MGAT4C: variants seen among roughly 807,000 people sequenced by gnomAD.
The protein encoded by MGAT4C is MGAT4 family member C, also known as alpha-1,3-mannosyl-glycoprotein 4-beta-N-acetylglucosaminyltransferase C.
A neutral mutation model predicts 40.1 loss-of-function variants in MGAT4C; 19 were observed. That is an observed-to-expected ratio of 0.47 (90% CI 0.33 to 0.70). The LOEUF (loss-of-function observed/expected upper bound fraction) is 0.70, where lower values mean the gene tolerates loss of function less well. Ranked by LOEUF, MGAT4C falls within the 30% of genes least tolerant of loss-of-function variation. The pLI is 0.02. For missense variants in MGAT4C, 491 were observed against 563.2 expected, an observed-to-expected ratio of 0.87 and a Z score of 1.30; for synonymous variants, 181 against 187.1, an observed-to-expected ratio of 0.97 and a Z score of 0.27.
At chr12:86,246,050 C>G (rs995027025) in intron 1 of MGAT4C, among the ~76,000 whole-genome samples, 3 of 152,016 alleles carry the variant, frequency 2.0e-5, no homozygotes, top group Non-Finnish European at 2.9e-5. Context: ...ATTTTCCAAT[C>G]CAACCGATTT....
chr12:86,707,943 T>C (rs1337379534), intron 2 of MGAT4C, among the ~76,000 whole-genome samples: 2 of 152,204 alleles, frequency 1.3e-5, no homozygotes, highest in African/African-American at 4.8e-5. Context: ...ATTTGCAGCC[T>C]GACAATGTGA....
chr12:86,481,829 C>T (rs1438297823), intron 2 of MGAT4C, among the ~76,000 whole-genome samples: 4 of 151,644 alleles, frequency 2.6e-5, no homozygotes, highest in African/African-American at 9.7e-5. Context: ...GTTTCACAGG[C>T]TGGTCTTGAA....
At chr12:86,297,609 A>T (rs1213650806) in intron 4 of MGAT4C, among the ~76,000 whole-genome samples, 1 of 152,126 alleles carries the variant, frequency 6.6e-6, no homozygotes, top group Non-Finnish European at 1.5e-5. Flanking sequence ...GACTAAAGAG[A>T]TTTCCATTGA....
At chr12:86,603,748 TTA>T (rs1565878460) in intron 2 of MGAT4C, among the ~76,000 whole-genome samples, 1 of 131,982 alleles carries the variant, frequency 7.6e-6, no homozygotes, top group African/African-American at 2.8e-5. Flanking sequence ...ATACTATATA[TTA>T]TATATAATAT....
intron 4 of MGAT4C, among the ~76,000 whole-genome samples, chr12:86,301,118 T>C (rs1592668961): frequency 1.3e-5 from 2 of 152,324 alleles, no homozygotes; most frequent in Middle Eastern, 6.8e-3. Context: ...GTGTTGGTCC[T>C]CTTTAACTCA....
intron 1 of MGAT4C, among the ~76,000 whole-genome samples, chr12:86,197,880 G>A (rs370458354): frequency 4.6e-5 from 7 of 152,210 alleles, no homozygotes; most frequent in African/African-American, 1.7e-4. Context: ...CTCTGTAGGG[G>A]TAATTGTAAT....
chr12:86,172,096 T>A (rs1886914706), intron 1 of MGAT4C, among the ~76,000 whole-genome samples: 1 of 152,192 alleles, frequency 6.6e-6, no homozygotes, highest in African/African-American at 2.4e-5. Flanking sequence ...AGTAATATTC[T>A]ATGTATCTCA....
chr12:86,591,573 T>A (rs1038299460), intron 2 of MGAT4C, among the ~76,000 whole-genome samples: 1 of 151,864 alleles, frequency 6.6e-6, no homozygotes, highest in Admixed American at 6.6e-5. Context: ...AAAACAAATA[T>A]CAAAATTAAA....
chr12:86,659,222 T>C (rs908188552), intron 2 of MGAT4C, among the ~76,000 whole-genome samples: 2 of 151,998 alleles, frequency 1.3e-5, no homozygotes, highest in Non-Finnish European at 2.9e-5. Context: ...TCTTCATCCA[T>C]GGGAATCTAA....
chr12:86,492,577 G>C (rs918754488), intron 2 of MGAT4C, among the ~76,000 whole-genome samples: 8 of 152,168 alleles, frequency 5.3e-5, no homozygotes, highest in African/African-American at 1.2e-4. Flanking sequence ...ATGGTGCTGG[G>C]AAAACTGGCT....
chr12:86,807,898 C>T (rs976246641), intron 1 of MGAT4C, among the ~76,000 whole-genome samples: 3 of 151,876 alleles, frequency 2.0e-5, no homozygotes, highest in African/African-American at 7.3e-5. Flanking sequence ...GCTTTTTTTC[C>T]ATATGTTTGC....
intron 4 of MGAT4C, among the ~76,000 whole-genome samples, chr12:86,303,015 C>T (rs565087870): frequency 6.6e-6 from 1 of 150,662 alleles, no homozygotes. Flanking sequence ...TCCACCAGCT[C>T]AGAATAGAAC....
At chr12:86,423,931 G>A (rs1956878216) in intron 3 of MGAT4C, among the ~76,000 whole-genome samples, 1 of 152,114 alleles carries the variant, frequency 6.6e-6, no homozygotes, top group Non-Finnish European at 1.5e-5. Context: ...TAGGACATAG[G>A]GAAAATAAGT....
chr12:86,150,824 C>T lies in MGAT4C; in HGVS notation c.-56-101101G>A, dbSNP rs555271397. ...AAGTCCAAGAGAAACCAACAGAAGT[C>T]ACCCCAGGGGTCCTCTCCCAGTGGA... On this transcript the variant is annotated intron_variant, in intron 1 of 4. Coordinates refer to ENST00000611864, the MANE Select transcript of MGAT4C (RefSeq NM_001351288.2). Among the ~76,000 whole-genome samples the T allele has an allele frequency of 2.0e-5, 3 of 152,192 alleles. No individual in the cohort carries two copies. The South Asian group carries it at 6.2e-4, about 32-fold the overall frequency.
At chr12:86,183,008 T>G (rs1158719696) in intron 1 of MGAT4C, among the ~76,000 whole-genome samples, 1 of 152,170 alleles carries the variant, frequency 6.6e-6, no homozygotes, top group East Asian at 1.9e-4. Flanking sequence ...TGGGGTGTAT[T>G]CTGATTAGAC....
At chr12:86,028,634 T>A (rs1890462024) in intron 2 of MGAT4C, among the ~76,000 whole-genome samples, 1 of 151,962 alleles carries the variant, frequency 6.6e-6, no homozygotes, top group Admixed American at 6.6e-5. Context: ...GCCATCTCTT[T>A]AATTAAAATT....
intron 1 of MGAT4C, among the ~76,000 whole-genome samples, chr12:86,183,132 A>G (rs548949613): frequency 2.2e-4 from 33 of 151,960 alleles, no homozygotes; most frequent in African/African-American, 8.0e-4. Context: ...ATTCTGTGGA[A>G]CTCATGCTTT....
chr12:86,660,192 T>A (rs1326659910), intron 2 of MGAT4C, among the ~76,000 whole-genome samples: 2 of 152,178 alleles, frequency 1.3e-5, no homozygotes, highest in Non-Finnish European at 2.9e-5. Flanking sequence ...GGGAGTGTAA[T>A]ACTTTTGATA....
At chr12:86,538,544 A>G (rs2136382046) in intron 2 of MGAT4C, among the ~76,000 whole-genome samples, 1 of 151,736 alleles carries the variant, frequency 6.6e-6, no homozygotes, top group Middle Eastern at 3.5e-3. Context: ...CTTAACTCAT[A>G]TTCTTTTACT....
Sources: allele counts gnomAD v4.1 joint callset (sites outside exome capture counted in the v4.1 genomes callset), GRCh38; gene constraint gnomAD v4.1.1; transcripts MANE v1.5; gene names NCBI Gene and HGNC (gene_info 2026-07-23, HGNC 2026-07-21).